The following ZC3HAV1 variants were observed in gnomAD, a reference collection of about 807,000 sequenced individuals.
The protein encoded by ZC3HAV1 is zinc finger CCCH-type containing, antiviral 1, also known as zinc finger CCCH-type antiviral protein 1.
Under a neutral mutation model 86.6 loss-of-function variants are expected in ZC3HAV1, and 41 were observed. The observed-to-expected ratio is 0.47, with a 90% CI of 0.37 to 0.61. ZC3HAV1 has a LOEUF of 0.61. Among genes scored for constraint, ZC3HAV1 ranks in the 20% least tolerant of loss-of-function variants. ZC3HAV1 has a pLI of 0.00. For missense variants in ZC3HAV1, 964 were observed against 1,141.1 expected (o/e 0.84, Z 2.24); for synonymous variants, 421 against 432.1 (o/e 0.97, Z 0.32).
At chr7:139,098,499 CAT>C (rs1293833614) in intron 1 of ZC3HAV1, among the ~76,000 whole-genome samples, 2 of 152,118 alleles carry the variant, frequency 1.3e-5, no homozygotes, top group East Asian at 1.9e-4. Flanking sequence ...TGGTCTAAAA[CAT>C]ATTAAAATAT....
chr7:139,088,827 G>C (rs1030658800), intron 2 of ZC3HAV1, among the ~76,000 whole-genome samples: 1 of 152,206 alleles, frequency 6.6e-6, no homozygotes, highest in Non-Finnish European at 1.5e-5. Context: ...AACAGGCCGG[G>C]TATGGTGGCT....
chr7:139,097,170 A>C (rs988411768), intron 1 of ZC3HAV1, among the ~76,000 whole-genome samples: 21 of 150,816 alleles, frequency 1.4e-4, no homozygotes, highest in African/African-American at 4.9e-4. Flanking sequence ...AAAAAATAAA[A>C]AAAAGAAAAT....
At chr7:139,063,869 C>T (rs759281699) in intron 8 of ZC3HAV1, among the ~76,000 whole-genome samples, 8 of 152,084 alleles carry the variant, frequency 5.3e-5, no homozygotes, top group Non-Finnish European at 8.8e-5. Flanking sequence ...TATTTAGTCA[C>T]CACTGCACTG....
At chr7:139,075,457 G>A (rs1416977876) in intron 6 of ZC3HAV1, among the ~76,000 whole-genome samples, 1 of 152,170 alleles carries the variant, frequency 6.6e-6, no homozygotes, top group African/African-American at 2.4e-5. Context: ...TTTTGAGACA[G>A]GGTCTCACTC....
At chr7:139,062,831 C>T (rs1816483630) in intron 8 of ZC3HAV1, among the ~76,000 whole-genome samples, 1 of 151,826 alleles carries the variant, frequency 6.6e-6, no homozygotes, top group Non-Finnish European at 1.5e-5. Context: ...AGTTTGAGAC[C>T]ATCCTGGCTA....
intron 9 of ZC3HAV1, among the ~76,000 whole-genome samples, chr7:139,058,349 G>C (rs999707648): frequency 6.6e-6 from 1 of 151,592 alleles, no homozygotes; most frequent in African/African-American, 2.4e-5. Flanking sequence ...AGTTACTTGG[G>C]TGACTGCAGT....
intron 1 of ZC3HAV1, among the ~76,000 whole-genome samples, chr7:139,097,107 C>T (rs191579254): frequency 1.3e-4 from 20 of 150,580 alleles, no homozygotes; most frequent in South Asian, 4.2e-4. Context: ...CACTGCACTC[C>T]GGCCTGGGTG....
In ZC3HAV1 at chr7:139,073,900, A is replaced by T. The variant is rs777133066; in HGVS notation, c.1828T>A (p.Tyr610Asn). ...NSVFTTKWIW[Y>N]WKNESGTWIQ... The stretch of plus-strand genomic sequence containing the variant: ...CATGTGCCAGATTCATTCTTCCAAT[A>T]CCAAATCCATTTGGTGGTGAAGACA... The change falls in exon 7 of 13, where the codon TAT (tyrosine) becomes AAT (asparagine). Residue 610 changes from tyrosine (Y) to asparagine (N), a missense_variant. Transcript: ENST00000242351. 6.2e-7 allele frequency: 1 copy of T among 1,613,804 alleles called. No individual in the cohort carries two copies. The highest frequency in any genetic ancestry group is 1.3e-5 in the African/African-American group (1 of 75,026).
At chr7:139,055,070 C>G (rs10261597) in intron 10 of ZC3HAV1, 135 bp downstream of exon 10, 434,318 of 734,998 alleles carry the variant, frequency 0.59, 129,502 homozygotes, top group African/African-American at 0.69. Context: ...GATTACAGGG[C>G]TGAGCCACTG....
intron 5 of ZC3HAV1, among the ~76,000 whole-genome samples, chr7:139,078,033 G>A (rs946456420): frequency 2.0e-5 from 3 of 152,192 alleles, no homozygotes; most frequent in African/African-American, 4.8e-5. Flanking sequence ...GAGGTCAGGA[G>A]TTCAAGACCA....
At position 139,076,364 on chromosome 7, in the gene ZC3HAV1, A is replaced by G. The variant is rs192061967; in HGVS notation, c.1619T>C (p.Met540Thr). Residue 540 changes from methionine to threonine, a missense_variant, in exon 6 of 13, where the codon ATG (methionine) becomes ACG (threonine). Coordinates refer to ENST00000242351, the MANE Select transcript of ZC3HAV1 (RefSeq NM_020119.4). ...VHFHLPYRWQMLIGKTWTDFE... is the reference protein window; with the variant it reads ...VHFHLPYRWQTLIGKTWTDFE... ...GTCCGTCCAGGTTTTACCAATAAGC[A>G]TCTGCCACCGGTAAGGCAGATGGAA... 1.7e-5 allele frequency: 27 copies of G among 1,614,166 alleles called. No homozygotes were observed. In the Admixed American group the frequency reaches 3.7e-4, roughly 22 times the overall value.
In ZC3HAV1 at chr7:139,108,695, C is replaced by A. The variant is rs1175440743; in HGVS notation, c.308+329G>T. Among the ~76,000 whole-genome samples the A allele has an allele frequency of 6.6e-6, 1 of 152,224 alleles. No homozygotes were observed. Among genetic ancestry groups the A allele is most frequent in the Admixed American group, 6.5e-5 (1 of 15,282 alleles). On this transcript the variant is annotated intron_variant, in intron 1 of 12. Coordinates refer to ENST00000242351, the MANE Select transcript of ZC3HAV1 (RefSeq NM_020119.4). The surrounding 1 kb of genome is among the most constrained non-coding windows in gnomAD (Gnocchi z 4.2). ...CAAACCTGCCTACCGCTTCTCTAGG[C>A]CCTGGCTGGCTCCAGAGCACTTTAT...
intron 6 of ZC3HAV1, 87 bp from the exon 7 acceptor site, chr7:139,074,117 T>C: frequency 7.5e-7 from 1 of 1,334,686 alleles, no homozygotes; most frequent in Admixed American, 2.2e-5. Flanking sequence ...AGCACAGAAT[T>C]AAACTTTCAG....
intron 1 of ZC3HAV1, among the ~76,000 whole-genome samples, chr7:139,093,503 A>C (rs915332096): frequency 2.0e-5 from 3 of 152,224 alleles, no homozygotes; most frequent in African/African-American, 7.2e-5. Context: ...TAACTGAAGA[A>C]TCACAAAAGA....
intron 2 of ZC3HAV1, among the ~76,000 whole-genome samples, chr7:139,088,380 A>G (rs1412903422): frequency 6.6e-6 from 1 of 152,226 alleles, no homozygotes; most frequent in Non-Finnish European, 1.5e-5. Context: ...GTGACATGTA[A>G]TAATCTCTGG....
chr7:139,071,744 G>A (rs1451367476), intron 7 of ZC3HAV1, among the ~76,000 whole-genome samples: 2 of 152,202 alleles, frequency 1.3e-5, no homozygotes, highest in Admixed American at 6.5e-5. Flanking sequence ...GAGGGGTCCA[G>A]GAGACAGCTC....
Position 139,060,777 on chromosome 7 carries a change from G to A in ZC3HAV1, c.2096+259C>T, listed in dbSNP as rs368568332. On this transcript the variant is annotated intron_variant, in intron 9 of 12. Coordinates refer to ENST00000242351, the MANE Select transcript of ZC3HAV1 (RefSeq NM_020119.4). ...AATCCAGCTCTTCACAGCTGGAGAA[G>A]CTAAAGCCCAGAGTATTTAGGAGAC... The A allele has an allele frequency of 2.2e-5, 29 of 1,327,120 alleles. No homozygotes were observed. The East Asian group carries it at 7.5e-4, about 34-fold the overall frequency. The allele number at this position is 1,327,120 out of a possible 1,614,324, so 82.2% of individuals were successfully genotyped here.
At chr7:139,067,063 C>T (rs1030744281) in intron 7 of ZC3HAV1, among the ~76,000 whole-genome samples, 1 of 152,180 alleles carries the variant, frequency 6.6e-6, no homozygotes, top group Non-Finnish European at 1.5e-5. Context: ...CAGTGCTGTT[C>T]ACTAGAACAT....
At chr7:139,048,375 G>A (rs961838614) in intron 12 of ZC3HAV1, among the ~76,000 whole-genome samples, 2 of 152,154 alleles carry the variant, frequency 1.3e-5, no homozygotes, top group Non-Finnish European at 2.9e-5. Flanking sequence ...GGAGGTTGAG[G>A]CGGGTGGATC....
Sources: gnomAD v4.1 joint callset for allele counts (sites outside exome capture counted in the v4.1 genomes callset) on GRCh38, gnomAD v4.1.1 for gene constraint, Gnocchi (gnomAD v3.1) non-coding constraint, MANE v1.5 for transcripts, NCBI Gene and HGNC (gene_info 2026-07-23, HGNC 2026-07-21) for gene names.